Variants in CACNA1B observed in about 807,000 individuals in gnomAD.
CACNA1B encodes calcium voltage-gated channel subunit alpha1 B.
Under a neutral mutation model 247.2 loss-of-function variants are expected in CACNA1B, and 70 were observed. The ratio of observed to expected loss-of-function variants is 0.28; its 90% confidence interval spans 0.23 to 0.35. The LOEUF is 0.35. CACNA1B is among the 10% of genes least tolerant of loss of function. The pLI, the probability that CACNA1B is intolerant of heterozygous loss-of-function variation, is 1.00. For synonymous variants in CACNA1B, 1,231 were observed against 1,294.4 expected (o/e 0.95, Z 1.05); for missense variants, 2,367 against 3,197.4 (o/e 0.74, Z 6.26).
chr9:138,075,340 G>C (rs1960278560), intron 34 of CACNA1B, among the ~76,000 whole-genome samples: 1 of 152,178 alleles, frequency 6.6e-6, no homozygotes, highest in Admixed American at 6.5e-5. Flanking sequence ...TCCAGATTTT[G>C]GGCTGAGTAC....
chr9:137,933,541 C>G (rs1262609222), intron 6 of CACNA1B, among the ~76,000 whole-genome samples: 1 of 152,158 alleles, frequency 6.6e-6, no homozygotes, highest in Non-Finnish European at 1.5e-5. Flanking sequence ...GTCATTGTAA[C>G]CCTTGTCATT....
intron 3 of CACNA1B, among the ~76,000 whole-genome samples, chr9:137,905,605 T>A (rs1957290502): frequency 6.6e-6 from 1 of 152,226 alleles, no homozygotes; most frequent in Non-Finnish European, 1.5e-5. Flanking sequence ...TTCAATACTT[T>A]CTATAAATTT....
intron 5 of CACNA1B, among the ~76,000 whole-genome samples, chr9:137,916,573 A>T (rs1322741913): frequency 6.6e-6 from 1 of 152,172 alleles, no homozygotes; most frequent in Non-Finnish European, 1.5e-5. Flanking sequence ...CTCCGGGTAC[A>T]TGTTCGGTTG....
At position 138,020,509 on chromosome 9, in the gene CACNA1B, C is replaced by T. The variant is rs1041162958; in HGVS notation, c.2268-2502C>T. On this transcript the variant is annotated intron_variant, in intron 18 of 46. Coordinates refer to ENST00000371372, the MANE Select transcript of CACNA1B (RefSeq NM_000718.4). The surrounding 1 kb of genome is among the most constrained non-coding windows in gnomAD (Gnocchi z 4.1). ...TGACTTAAGACACCATGCAGAGAGG[C>T]CCGGCACGCAGATTCAGAGACCTAG... Among the ~76,000 whole-genome samples the T allele has an allele frequency of 6.6e-6, 1 of 152,168 alleles. No individual in the cohort carries two copies. Among genetic ancestry groups the T allele is most frequent in the Non-Finnish European group, 1.5e-5 (1 of 68,030 alleles).
chr9:137,982,100 G>A (rs1249026771), intron 12 of CACNA1B, among the ~76,000 whole-genome samples: 3 of 152,150 alleles, frequency 2.0e-5, no homozygotes, highest in Non-Finnish European at 4.4e-5. Context: ...CAAAAGCTTG[G>A]TGGCATAAGA....
At chr9:138,112,268 C>T (rs2131362703) in intron 39 of CACNA1B, 130 bp from the exon 40 acceptor site, 1 of 667,288 alleles carries the variant, frequency 1.5e-6, no homozygotes, top group Non-Finnish European at 2.7e-6. Flanking sequence ...CTCCTTCCAG[C>T]ACCGTCTGTA....
intron 41 of CACNA1B, among the ~76,000 whole-genome samples, chr9:138,115,204 G>A (rs139741276): frequency 5.9e-5 from 9 of 152,326 alleles, no homozygotes; most frequent in African/African-American, 2.2e-4. Context: ...TCAAGGTGAT[G>A]ATTAGATGGA....
rs192240294 is a variant in CACNA1B, at chr9:138,058,257, G to A, written c.4308+7G>A. 1.0e-3 allele frequency: 1,641 copies of A among 1,609,696 alleles called. No individual in the cohort carries two copies. The highest frequency in any genetic ancestry group is 1.3e-3 in the Non-Finnish European group (1,524 of 1,176,170). Reference sequence around the variant, plus strand: ...CAGCCTGGAGAAGAACGAGGTAGGTGGACGCTCTGTGGAGTCTTGCAGTGG... The same window carrying A: ...CAGCCTGGAGAAGAACGAGGTAGGTAGACGCTCTGTGGAGTCTTGCAGTGG... On this transcript the variant is annotated splice_region_variant and intron_variant, in intron 28 of 46. Coordinates refer to ENST00000371372, the MANE Select transcript of CACNA1B (RefSeq NM_000718.4). The surrounding 1 kb of genome is among the most constrained non-coding windows in gnomAD (Gnocchi z 4.7).
At chr9:137,922,531 G>A (rs1266518010) in intron 6 of CACNA1B, among the ~76,000 whole-genome samples, 1 of 152,182 alleles carries the variant, frequency 6.6e-6, no homozygotes, top group Non-Finnish European at 1.5e-5. Flanking sequence ...AACTTGGCAA[G>A]GGCGGTCTCA....
At chr9:138,049,853 T>C (rs938505998) in intron 24 of CACNA1B, among the ~76,000 whole-genome samples, 1 of 152,060 alleles carries the variant, frequency 6.6e-6, no homozygotes, top group Non-Finnish European at 1.5e-5. Context: ...GGAAATGGAG[T>C]TGGCTTCCTC....
At chr9:137,931,801 GA>G (rs1957610792) in intron 6 of CACNA1B, among the ~76,000 whole-genome samples, 1 of 152,096 alleles carries the variant, frequency 6.6e-6, no homozygotes, top group African/African-American at 2.4e-5. Context: ...GTCTCTGGGC[GA>G]GAGGAAATGA....
intron 20 of CACNA1B, among the ~76,000 whole-genome samples, chr9:138,026,864 C>A (rs1958927892): frequency 6.6e-6 from 1 of 152,206 alleles, no homozygotes; most frequent in African/African-American, 2.4e-5. Flanking sequence ...TCCAAAGGGA[C>A]TGTACCATTT....
rs947892512 is a variant in CACNA1B, at chr9:138,102,910, G to C, written c.5319+103G>C. On this transcript the variant is annotated intron_variant, in intron 38 of 46. Coordinates refer to ENST00000371372, the MANE Select transcript of CACNA1B (RefSeq NM_000718.4). The surrounding 1 kb of genome is among the most constrained non-coding windows in gnomAD (Gnocchi z 5.4). ...CCTCTCCCTTTCAGGGTGCCCGGCT[G>C]TCTGTCTGCCGCTCTGCTGTGCGCC... is the stretch of plus-strand genomic sequence containing the variant. The C allele has an allele frequency of 2.9e-6, 2 of 684,540 alleles. No individual in the cohort carries two copies. 42.4% of individuals were successfully genotyped at this position (684,540 alleles called of 1,614,324 possible). A position where few individuals can be genotyped will look rare whatever the true frequency, so the allele number is the denominator to read the frequency against.
chr9:138,098,074 T>C (rs1323826884), intron 37 of CACNA1B, among the ~76,000 whole-genome samples: 1 of 152,164 alleles, frequency 6.6e-6, no homozygotes, highest in Non-Finnish European at 1.5e-5. Flanking sequence ...CTGTGGGTGT[T>C]TTTCATTTGA....
In CACNA1B at chr9:137,955,008, G is replaced by A. The variant is rs775974109; in HGVS notation, c.1071-690G>A. On this transcript the variant is annotated intron_variant, in intron 7 of 46. Coordinates refer to ENST00000371372, the MANE Select transcript of CACNA1B (RefSeq NM_000718.4). This position sits in a 1 kb window ranked among gnomAD's most constrained non-coding sequence, Gnocchi z 6.9. Reference sequence around the variant, plus strand: ...GGGATGCTGAGCTGGAAGGGCAAGTGTTCTCTGCTGGTCACCATGACGGCT... The same window carrying A: ...GGGATGCTGAGCTGGAAGGGCAAGTATTCTCTGCTGGTCACCATGACGGCT... Among the ~76,000 whole-genome samples, 2 of 152,070 alleles carry A rather than the reference G, an allele frequency of 1.3e-5. No homozygotes were observed. Among genetic ancestry groups the A allele is most frequent in the African/African-American group, 4.8e-5 (2 of 41,396 alleles).
In CACNA1B at chr9:138,014,579, C is replaced by A. The variant is rs1958766766; in HGVS notation, c.2267+1344C>A. 6.6e-6 allele frequency among the ~76,000 whole-genome samples: 1 copy of A among 152,188 alleles called. No individual in the cohort carries two copies. The highest frequency in any genetic ancestry group is 2.1e-4 in the South Asian group (1 of 4,826). ...TTATTTGGTTCATTAGTTATTTAGT[C>A]CACTTAGTTTGGTTACTTGGTCCAG... On this transcript the variant is annotated intron_variant, in intron 18 of 46. Coordinates refer to ENST00000371372, the MANE Select transcript of CACNA1B (RefSeq NM_000718.4). The surrounding 1 kb of genome is among the most constrained non-coding windows in gnomAD (Gnocchi z 6.2).
chr9:137,942,968 A>T (rs972400420), intron 6 of CACNA1B, among the ~76,000 whole-genome samples: 8 of 150,838 alleles, frequency 5.3e-5, no homozygotes, highest in African/African-American at 1.2e-4. Context: ...ATGGAAATAA[A>T]TTTTTTTTTA....
In CACNA1B at chr9:137,936,853, A is replaced by G. The variant is rs966585144; in HGVS notation, c.967-15421A>G. Among the ~76,000 whole-genome samples the G allele has an allele frequency of 3.9e-5, 6 of 152,306 alleles. No individual in the cohort carries two copies. In the South Asian group the frequency reaches 1.0e-3, roughly 26 times the overall value. Reference sequence around the variant, plus strand: ...CATTGGTCTGTATCTCTGTTTTGGTACCAGTACCATGCTGTTTTGGTTACT... The same window carrying G: ...CATTGGTCTGTATCTCTGTTTTGGTGCCAGTACCATGCTGTTTTGGTTACT... On this transcript the variant is annotated intron_variant, in intron 6 of 46. Transcript: ENST00000371372.
Position 138,057,883 on chromosome 9 carries a change from C to T in CACNA1B, c.4106+14C>T. On this transcript the variant is annotated intron_variant, in intron 27 of 46. Coordinates refer to ENST00000371372, the MANE Select transcript of CACNA1B (RefSeq NM_000718.4). This position sits in a 1 kb window ranked among gnomAD's most constrained non-coding sequence, Gnocchi z 4.0. ...AGGCTGGCCCATGTGAGTGCTCATC[C>T]TGCTCTCCGTAGCTGGGGCAGGCAG... The T allele has an allele frequency of 6.3e-7, 1 of 1,598,296 alleles. No homozygotes were observed. Among genetic ancestry groups the T allele is most frequent in the Non-Finnish European group, 8.6e-7 (1 of 1,167,964 alleles).
Sources: allele counts gnomAD v4.1 joint callset (sites outside exome capture counted in the v4.1 genomes callset), GRCh38; gene constraint gnomAD v4.1.1; non-coding constraint Gnocchi (gnomAD v3.1); transcripts MANE v1.5; gene names NCBI Gene and HGNC (gene_info 2026-07-23, HGNC 2026-07-21).